PLEKHA5: variants seen among roughly 807,000 people sequenced by gnomAD.
PLEKHA5 encodes pleckstrin homology domain-containing family A member 5.
PLEKHA5 carries 55 observed loss-of-function variants against 181.9 expected under a neutral mutation model. That is an observed-to-expected ratio of 0.30 (90% CI 0.24 to 0.38). The LOEUF is 0.38. Ranked by LOEUF, PLEKHA5 falls within the 10% of genes least tolerant of loss-of-function variation. The pLI is 1.00. For synonymous variants in PLEKHA5, 535 were observed against 529.4 expected (o/e 1.01, Z -0.15); for missense variants, 1,432 against 1,549.5 (o/e 0.92, Z 1.27).
intron 20 of PLEKHA5, among the ~76,000 whole-genome samples, chr12:19,329,349 A>T (rs1045781260): frequency 1.4e-4 from 21 of 152,150 alleles, no homozygotes; most frequent in African/African-American, 4.6e-4. Context: ...TGTTGGCTTC[A>T]TAGAATGAGT....
intron 3 of PLEKHA5, among the ~76,000 whole-genome samples, chr12:19,240,319 C>T (rs2062258868): frequency 2.0e-5 from 3 of 152,150 alleles, no homozygotes; most frequent in Admixed American, 1.3e-4. Flanking sequence ...TGTGACCACA[C>T]GCAAAAGAGT....
intron 3 of PLEKHA5, among the ~76,000 whole-genome samples, chr12:19,227,292 T>C (rs972793683): frequency 3.3e-5 from 5 of 151,742 alleles, no homozygotes; most frequent in African/African-American, 1.2e-4. Flanking sequence ...ATTTCTTTTT[T>C]TTTTTTTTTT....
At chr12:19,183,135 T>A (rs1036285003) in intron 3 of PLEKHA5, among the ~76,000 whole-genome samples, 1 of 152,178 alleles carries the variant, frequency 6.6e-6, no homozygotes, top group Non-Finnish European at 1.5e-5. Flanking sequence ...CAAGGATGAA[T>A]TCAATGTGCA....
chr12:19,264,853 G>A (rs1027163747), intron 7 of PLEKHA5, among the ~76,000 whole-genome samples: 9 of 152,142 alleles, frequency 5.9e-5, no homozygotes, highest in African/African-American at 2.2e-4. Context: ...TCTCATTGGT[G>A]AGTTTATTAG....
intron 3 of PLEKHA5, among the ~76,000 whole-genome samples, chr12:19,210,687 A>T (rs1180299230): frequency 6.6e-6 from 1 of 152,198 alleles, no homozygotes; most frequent in Non-Finnish European, 1.5e-5. Flanking sequence ...TTTCCCTTTG[A>T]GGTCACATTG....
chr12:19,151,536 C>G (rs753887100), intron 3 of PLEKHA5: 3 of 152,044 alleles, frequency 2.0e-5, no homozygotes, highest in Non-Finnish European at 4.4e-5. Context: ...TGCCTGTGCT[C>G]CTTAAAGGGT....
chr12:19,361,552 G>A, intron 28 of PLEKHA5, 30 bp from the exon 29 acceptor site: 5 of 1,142,662 alleles, frequency 4.4e-6, no homozygotes, highest in Non-Finnish European at 6.4e-6. Context: ...AGAATTCTTT[G>A]AAAAGAAAAT....
At chr12:19,350,621 T>C (rs2094546118) in intron 25 of PLEKHA5, among the ~76,000 whole-genome samples, 4 of 152,004 alleles carry the variant, frequency 2.6e-5, no homozygotes. Context: ...ATACAAAAAT[T>C]AGCCAGGTGT....
chr12:19,340,534 T>A (rs1247173095), intron 21 of PLEKHA5, among the ~76,000 whole-genome samples: 1 of 149,052 alleles, frequency 6.7e-6, no homozygotes, highest in African/African-American at 2.5e-5. Context: ...GGGAAAAGAT[T>A]GAGAAATCGG....
At chr12:19,297,810 G>T (rs1298702911) in intron 15 of PLEKHA5, among the ~76,000 whole-genome samples, 1 of 149,410 alleles carries the variant, frequency 6.7e-6, no homozygotes, top group East Asian at 2.0e-4. Context: ...AGATCCAGTA[G>T]ACTGGGGATA....
At chr12:19,346,951 C>T in intron 23 of PLEKHA5, 43 bp from the exon 24 acceptor site, 1 of 1,290,368 alleles carries the variant, frequency 7.7e-7, no homozygotes, top group South Asian at 1.6e-5. Flanking sequence ...ATGCTTAATT[C>T]AATCTGCTTA....
intron 21 of PLEKHA5, among the ~76,000 whole-genome samples, chr12:19,342,058 G>A (rs1243723473): frequency 6.6e-6 from 1 of 151,952 alleles, no homozygotes; most frequent in Non-Finnish European, 1.5e-5. Flanking sequence ...CCCATTAGAG[G>A]ACTTTTTTAG....
At chr12:19,208,497 G>A (rs962918319) in intron 3 of PLEKHA5, among the ~76,000 whole-genome samples, 2 of 151,854 alleles carry the variant, frequency 1.3e-5, no homozygotes, top group South Asian at 2.1e-4. Flanking sequence ...TAGAATACCT[G>A]TTGTCTGCTC....
At chr12:19,195,860 G>C (rs1467371117) in intron 3 of PLEKHA5, among the ~76,000 whole-genome samples, 1 of 151,632 alleles carries the variant, frequency 6.6e-6, no homozygotes, top group Admixed American at 6.6e-5. Context: ...TATTATTTTT[G>C]ACAGCTGCAT....
chr12:19,333,924 A>G (rs2093108778), intron 20 of PLEKHA5, among the ~76,000 whole-genome samples: 1 of 151,966 alleles, frequency 6.6e-6, no homozygotes, highest in African/African-American at 2.4e-5. Flanking sequence ...TTATTCTTTT[A>G]ACTGTATAGC....
At chr12:19,282,377 A>G (rs1398655687) in intron 11 of PLEKHA5, among the ~76,000 whole-genome samples, 2 of 152,170 alleles carry the variant, frequency 1.3e-5, no homozygotes, top group Non-Finnish European at 2.9e-5. Flanking sequence ...TAAGTATTTT[A>G]TCTTTAATAG....
At chr12:19,238,957 A>G (rs1318109963) in intron 3 of PLEKHA5, among the ~76,000 whole-genome samples, 1 of 152,142 alleles carries the variant, frequency 6.6e-6, no homozygotes, top group Non-Finnish European at 1.5e-5. Flanking sequence ...CTTTCCACCA[A>G]TACTATAGAC....
chr12:19,357,965 AT>A (rs1223981150), intron 26 of PLEKHA5, among the ~76,000 whole-genome samples: 9 of 152,122 alleles, frequency 5.9e-5, no homozygotes, highest in Admixed American at 2.6e-4. Flanking sequence ...AGCCAAAAAA[AT>A]ATTTTCTATT....
At chr12:19,266,957 G>A (rs1250822823) in intron 8 of PLEKHA5, among the ~76,000 whole-genome samples, 2 of 152,072 alleles carry the variant, frequency 1.3e-5, no homozygotes, top group South Asian at 2.1e-4. Context: ...CTGAAGTCAG[G>A]ATGTGAAATC....
Sources: allele counts gnomAD v4.1 joint callset (sites outside exome capture counted in the v4.1 genomes callset), GRCh38; gene constraint gnomAD v4.1.1; transcripts MANE v1.5; gene names NCBI Gene and HGNC (gene_info 2026-07-23, HGNC 2026-07-21).